PIK3AP1: variants seen among roughly 807,000 people sequenced by gnomAD.
PIK3AP1 encodes the protein phosphoinositide 3-kinase adapter protein 1.
PIK3AP1 carries 21 observed loss-of-function variants against 88.1 expected under a neutral mutation model. The ratio of observed to expected loss-of-function variants is 0.24; its 90% confidence interval spans 0.17 to 0.34. The LOEUF (loss-of-function observed/expected upper bound fraction) is 0.34, where lower values mean the gene tolerates loss of function less well. PIK3AP1 is among the 10% of genes least tolerant of loss of function. PIK3AP1 has a pLI of 1.00. For missense variants in PIK3AP1, 828 were observed against 1,035.7 expected (o/e 0.80, Z 2.75); for synonymous variants, 398 against 400.0 (o/e 1.00, Z 0.06).
At chr10:96,701,928 T>C (rs1213791367) in intron 2 of PIK3AP1, among the ~76,000 whole-genome samples, 1 of 152,238 alleles carries the variant, frequency 6.6e-6, no homozygotes, top group Non-Finnish European at 1.5e-5. Flanking sequence ...AAAAGTTTCT[T>C]TTTAAATTTA....
rs549738212 is a variant in PIK3AP1, at chr10:96,608,226, C to G, written c.2170+1486G>C. ...CTCTCCTTCCCCACCCTGGGATGCACTGTTCTCACCCTGAGAGGGTTCTAC... is the reference window on the plus strand; with the variant it reads ...CTCTCCTTCCCCACCCTGGGATGCAGTGTTCTCACCCTGAGAGGGTTCTAC... On this transcript the variant is annotated intron_variant, in intron 14 of 16. Coordinates refer to ENST00000339364, the MANE Select transcript of PIK3AP1 (RefSeq NM_152309.3). Among the ~76,000 whole-genome samples, 71 of 152,364 alleles carry G rather than the reference C, an allele frequency of 4.7e-4. 1 individual carries two copies. The highest frequency in any genetic ancestry group is 9.1e-4 in the Non-Finnish European group (62 of 68,036).
intron 1 of PIK3AP1, among the ~76,000 whole-genome samples, chr10:96,716,913 G>A (rs1013895802): frequency 1.3e-5 from 2 of 152,150 alleles, no homozygotes; most frequent in Admixed American, 6.5e-5. Context: ...TAGCAGCAGG[G>A]AGTCCATGGG....
chr10:96,670,176 AGAG>A (rs1416558530), intron 2 of PIK3AP1, among the ~76,000 whole-genome samples: 5 of 134,890 alleles, frequency 3.7e-5, no homozygotes, highest in East Asian at 2.0e-4. Flanking sequence ...AAAAAAAAAG[AGAG>A]AGAGAGAGAG....
At chr10:96,687,380 T>C (rs756122170) in intron 2 of PIK3AP1, among the ~76,000 whole-genome samples, 1 of 150,666 alleles carries the variant, frequency 6.6e-6, no homozygotes, top group Non-Finnish European at 1.5e-5. Flanking sequence ...GTTTGATAAA[T>C]AGTGAATTAA....
chr10:96,616,224 T>C (rs369125934), intron 13 of PIK3AP1, among the ~76,000 whole-genome samples: 10 of 152,174 alleles, frequency 6.6e-5, no homozygotes, highest in African/African-American at 2.4e-4. Context: ...ATGGTGTGGA[T>C]GCAGATGACG....
In PIK3AP1 at chr10:96,628,593, A is replaced by G. The variant is rs975919112; in HGVS notation, c.1376-100T>C. Reference sequence around the variant, plus strand: ...TGAGGTTTGGCAACTCTCTTAAGAGATTCAAGCATTCATCAATCTATCCAT... The same window carrying G: ...TGAGGTTTGGCAACTCTCTTAAGAGGTTCAAGCATTCATCAATCTATCCAT... On this transcript the variant is annotated intron_variant, in intron 8 of 16. Transcript: ENST00000339364. 4 of 927,092 alleles carry G rather than the reference A, an allele frequency of 4.3e-6. No individual in the cohort carries two copies. In the African/African-American group the frequency reaches 4.9e-5, roughly 11 times the overall value. 57.4% of individuals were successfully genotyped at this position (927,092 alleles called of 1,614,324 possible).
At chr10:96,638,042 T>TA (rs1228639862) in intron 8 of PIK3AP1, among the ~76,000 whole-genome samples, 1 of 152,204 alleles carries the variant, frequency 6.6e-6, no homozygotes, top group Non-Finnish European at 1.5e-5. Context: ...TGGAACGAGT[T>TA]AAGAGTTTTG....
chr10:96,622,647 T>C (rs1843100582), intron 11 of PIK3AP1, among the ~76,000 whole-genome samples: 1 of 152,176 alleles, frequency 6.6e-6, no homozygotes, highest in Non-Finnish European at 1.5e-5. Context: ...AAAAACAAAA[T>C]GCACAAGCCA....
At chr10:96,657,055 C>T in intron 2 of PIK3AP1, 121 bp from the exon 3 acceptor site, 1 of 1,031,090 alleles carries the variant, frequency 9.7e-7, no homozygotes, top group South Asian at 1.6e-5. Context: ...CAAACCAATA[C>T]AAGCAGAAGG....
At chr10:96,681,169 C>T (rs1276436833) in intron 2 of PIK3AP1, among the ~76,000 whole-genome samples, 2 of 152,176 alleles carry the variant, frequency 1.3e-5, no homozygotes, top group Non-Finnish European at 2.9e-5. Context: ...TCCATAATTT[C>T]TCTTCCGTGT....
At chr10:96,696,458 A>T (rs1204595856) in intron 2 of PIK3AP1, among the ~76,000 whole-genome samples, 2 of 152,220 alleles carry the variant, frequency 1.3e-5, no homozygotes, top group Non-Finnish European at 2.9e-5. Context: ...ATCAAGAATC[A>T]TTTAAGGCAT....
intron 2 of PIK3AP1, among the ~76,000 whole-genome samples, chr10:96,668,168 T>C (rs2134250640): frequency 6.6e-6 from 1 of 152,336 alleles, no homozygotes; most frequent in Middle Eastern, 3.4e-3. Context: ...ATACTTTAAA[T>C]TGGTTAAAAT....
At position 96,602,076 on chromosome 10, in the gene PIK3AP1, G is replaced by A. The variant is rs545872820; in HGVS notation, c.2360+204C>T. Among the ~76,000 whole-genome samples the A allele has an allele frequency of 1.3e-4, 20 of 152,218 alleles. No homozygotes were observed. The South Asian group carries it at 3.9e-3, about 30-fold the overall frequency. Reference sequence around the variant, plus strand: ...TTTTTTGTATTTTTAGTAGAGATGGGGTATCACCATGTTAGCCAGGATGGT... The same window carrying A: ...TTTTTTGTATTTTTAGTAGAGATGGAGTATCACCATGTTAGCCAGGATGGT... On this transcript the variant is annotated intron_variant, in intron 16 of 16. Transcript: ENST00000339364.
intron 2 of PIK3AP1, among the ~76,000 whole-genome samples, chr10:96,695,592 G>A (rs1262172193): frequency 6.6e-6 from 1 of 152,150 alleles, no homozygotes; most frequent in Non-Finnish European, 1.5e-5. Flanking sequence ...AAGAACCTAA[G>A]ATGGTCTGAC....
intron 8 of PIK3AP1, among the ~76,000 whole-genome samples, chr10:96,634,332 A>C (rs984018071): frequency 5.3e-5 from 8 of 152,210 alleles, no homozygotes; most frequent in African/African-American, 1.9e-4. Context: ...GGCTAGAGTC[A>C]ATTGAACAGA....
intron 2 of PIK3AP1, among the ~76,000 whole-genome samples, chr10:96,673,744 A>G (rs1442455012): frequency 6.6e-6 from 1 of 152,162 alleles, no homozygotes; most frequent in Non-Finnish European, 1.5e-5. Flanking sequence ...CAGGCCACAT[A>G]AATGTGATTT....
chr10:96,658,376 G>A (rs1028858089), intron 2 of PIK3AP1, among the ~76,000 whole-genome samples: 3 of 152,148 alleles, frequency 2.0e-5, no homozygotes, highest in Admixed American at 6.5e-5. Flanking sequence ...AACAGCTGCT[G>A]ATAGGCACCC....
intron 7 of PIK3AP1, among the ~76,000 whole-genome samples, chr10:96,647,986 A>G (rs1018953700): frequency 6.6e-6 from 1 of 152,140 alleles, no homozygotes; most frequent in Non-Finnish European, 1.5e-5. Flanking sequence ...TTTGAGGAGG[A>G]GCTGAGGGCC....
intron 8 of PIK3AP1, among the ~76,000 whole-genome samples, chr10:96,629,930 A>AAAAGAAG (rs776780994): frequency 2.2e-4 from 3 of 13,720 alleles, no homozygotes; most frequent in African/African-American, 3.7e-4. Flanking sequence ...AAAAAAAAAA[A>AAAAGAAG]AAGAAGAAGA....
Sources: gnomAD v4.1 joint callset for allele counts (sites outside exome capture counted in the v4.1 genomes callset) on GRCh38, gnomAD v4.1.1 for gene constraint, MANE v1.5 for transcripts, NCBI Gene and HGNC (gene_info 2026-07-23, HGNC 2026-07-21) for gene names.